The following MYOF variants were observed in gnomAD, a reference collection of about 807,000 sequenced individuals.
MYOF encodes myoferlin.
A neutral mutation model predicts 284.2 loss-of-function variants in MYOF; 244 were observed. The observed-to-expected ratio is 0.86, with a 90% confidence interval of 0.77 to 0.95. MYOF has a LOEUF of 0.95. Ranked by LOEUF, MYOF falls within the 40% of genes least tolerant of loss-of-function variation. The pLI, the probability that MYOF is intolerant of heterozygous loss-of-function variation, is 0.00. For missense variants in MYOF, 2,496 were observed against 2,560.6 expected, an observed-to-expected ratio of 0.97 and a Z score of 0.54; for synonymous variants, 904 against 919.7, an observed-to-expected ratio of 0.98 and a Z score of 0.31.
In MYOF at chr10:93,372,973, G is replaced by A. The variant is rs1235663636; in HGVS notation, c.2414C>T (p.Ala805Val). Residue 805 changes from alanine to valine, a missense_variant, in exon 24 of 54, where the codon GCA (alanine) becomes GTA (valine). Around this residue, in one of 3 missense-constraint regions of MYOF, gnomAD observed 2,436 missense variants for 2,480.7 expected, o/e 0.98. Transcript: ENST00000359263. ...QVLYSTSGENASGKYCGKTQT... is the reference protein window; with the variant it reads ...QVLYSTSGENVSGKYCGKTQT... ...GGTTTTCCCACAGTATTTTCCAGATGCATTCTCACCACTGGTGGAGTACAA... is the reference window on the plus strand; with the variant it reads ...GGTTTTCCCACAGTATTTTCCAGATACATTCTCACCACTGGTGGAGTACAA... The A allele has an allele frequency of 6.2e-7, 1 of 1,614,206 alleles. No individual in the cohort carries two copies. Among genetic ancestry groups the A allele is most frequent in the Non-Finnish European group, 8.5e-7 (1 of 1,180,034 alleles).
chr10:93,458,716 C>T (rs1282455547), intron 1 of MYOF, among the ~76,000 whole-genome samples: 7 of 152,134 alleles, frequency 4.6e-5, no homozygotes, highest in Non-Finnish European at 8.8e-5. Context: ...AAGGATAGAG[C>T]GAGACTCAGT....
intron 7 of MYOF, among the ~76,000 whole-genome samples, chr10:93,406,288 T>TTATTTATATATATATATATATATATA (rs1554855590): frequency 6.9e-5 from 4 of 58,146 alleles, no homozygotes; most frequent in South Asian, 1.0e-3. Flanking sequence ...TAAACCTCTT[T>TTATTTATATATATATATATATATATA]TATATATATA....
intron 3 of MYOF, among the ~76,000 whole-genome samples, chr10:93,447,882 G>C (rs1379688148): frequency 6.6e-6 from 1 of 152,172 alleles, no homozygotes; most frequent in Non-Finnish European, 1.5e-5. Flanking sequence ...TGGTCTCCCA[G>C]TATTGTTTTC....
intron 5 of MYOF, among the ~76,000 whole-genome samples, chr10:93,416,390 G>A (rs1360795173): frequency 6.6e-6 from 1 of 151,860 alleles, no homozygotes; most frequent in Non-Finnish European, 1.5e-5. Context: ...CAGGTGTGGT[G>A]GCAGGCGCCT....
chr10:93,310,020 C>A lies in MYOF; in HGVS notation c.6147G>T (p.Pro2049=). The change falls in exon 53 of 54, where the codon CCG becomes CCT. Residue 2049 remains proline (P), a splice_region_variant and synonymous_variant. Coordinates refer to ENST00000359263, the MANE Select transcript of MYOF (RefSeq NM_013451.4). ...LFVAVLLYSL[P]NYLSMKIVKP... ...CAAGGGGCCAAGGAAGGGCTCCTACCGGCAAAGAGTAGAGGAGCACGGCCA... is the reference window on the plus strand; with the variant it reads ...CAAGGGGCCAAGGAAGGGCTCCTACAGGCAAAGAGTAGAGGAGCACGGCCA... 1 of 1,613,978 alleles carries A rather than the reference C, an allele frequency of 6.2e-7. No homozygotes were observed.
intron 36 of MYOF, 64 bp from the exon 37 acceptor site, chr10:93,347,846 C>T: frequency 6.6e-7 from 1 of 1,510,042 alleles, no homozygotes; most frequent in Non-Finnish European, 9.0e-7. Flanking sequence ...GAGAAAAATT[C>T]CCCAGATGGA....
In MYOF at chr10:93,361,518, G is replaced by A; in HGVS notation, c.2908C>T (p.Pro970Ser). 6.2e-7 allele frequency: 1 copy of A among 1,614,140 alleles called. No individual in the cohort carries two copies. Among genetic ancestry groups the A allele is most frequent in the Non-Finnish European group, 8.5e-7 (1 of 1,180,028 alleles). Residue 970 changes from proline (P) to serine (S), a missense_variant, in exon 28 of 54, where the codon CCT becomes TCT. Coordinates refer to ENST00000359263, the MANE Select transcript of MYOF (RefSeq NM_013451.4). ...KAASPSELTC[P>S]PGWEWEDDAW... ...TCATCTTCCCATTCCCAACCTGGAG[G>A]ACAAGTCAACTCGCTGGGTGATGCT... is the stretch of plus-strand genomic sequence containing the variant.
chr10:93,462,819 C>G (rs1413630342), intron 1 of MYOF, among the ~76,000 whole-genome samples: 12 of 151,666 alleles, frequency 7.9e-5, no homozygotes, highest in Non-Finnish European at 1.5e-4. Flanking sequence ...TTTATTCTAC[C>G]TCTGTAAAAA....
At chr10:93,418,317 C>T (rs975634708) in intron 5 of MYOF, among the ~76,000 whole-genome samples, 1 of 152,160 alleles carries the variant, frequency 6.6e-6, no homozygotes, top group Non-Finnish European at 1.5e-5. Context: ...GGAGATAACA[C>T]ATTTTCTTAG....
At chr10:93,476,995 G>C (rs2057277462) in intron 1 of MYOF, among the ~76,000 whole-genome samples, 1 of 152,154 alleles carries the variant, frequency 6.6e-6, no homozygotes, top group African/African-American at 2.4e-5. Context: ...TGAGAAAAAT[G>C]CTATAGTAGC....
intron 1 of MYOF, among the ~76,000 whole-genome samples, chr10:93,481,286 A>G (rs2057378149): frequency 1.3e-5 from 2 of 152,102 alleles, no homozygotes; most frequent in Admixed American, 1.3e-4. Context: ...CTGTAGCCTC[A>G]AACTCCTGGG....
At chr10:93,394,662 G>A (rs1393993504) in intron 16 of MYOF, among the ~76,000 whole-genome samples, 2 of 148,356 alleles carry the variant, frequency 1.3e-5, no homozygotes, top group Non-Finnish European at 3.0e-5. Context: ...GGGTTTCACC[G>A]TGTTAGCCAG....
At position 93,474,895 on chromosome 10, in the gene MYOF, C is replaced by T. The variant is rs192721810; in HGVS notation, c.88+7212G>A. Among the ~76,000 whole-genome samples the T allele has an allele frequency of 1.3e-3, 201 of 152,194 alleles. 2 individuals carry two copies. The highest frequency in any genetic ancestry group is 4.7e-3 in the African/African-American group (196 of 41,526). ...CTGAGTAGCTGGGACTACAGGTGCCCACCACCATGCCTGGCTAAGTTTTTT... is the reference window on the plus strand; with the variant it reads ...CTGAGTAGCTGGGACTACAGGTGCCTACCACCATGCCTGGCTAAGTTTTTT... On this transcript the variant is annotated intron_variant, in intron 1 of 53. Transcript: ENST00000359263.
At chr10:93,373,283 G>A (rs1001423779) in intron 23 of MYOF, among the ~76,000 whole-genome samples, 198 bp from the exon 24 acceptor site, 8 of 152,160 alleles carry the variant, frequency 5.3e-5, no homozygotes, top group African/African-American at 1.9e-4. Context: ...GCAGACTGTG[G>A]CTGGCCAAAG....
At chr10:93,451,975 T>A (rs956992665) in intron 3 of MYOF, 75 bp downstream of exon 3, 3 of 1,023,292 alleles carry the variant, frequency 2.9e-6, no homozygotes, top group African/African-American at 3.2e-5. Context: ...TTATTAAAGA[T>A]GTGTCTCTTC....
At chr10:93,464,894 C>G (rs1017537740) in intron 1 of MYOF, among the ~76,000 whole-genome samples, 4 of 152,138 alleles carry the variant, frequency 2.6e-5, no homozygotes, top group African/African-American at 9.7e-5. Flanking sequence ...TACTTCTTCC[C>G]CTTTTCTAGG....
At chr10:93,434,580 C>T (rs987752980) in intron 3 of MYOF, among the ~76,000 whole-genome samples, 1 of 151,982 alleles carries the variant, frequency 6.6e-6, no homozygotes, top group Admixed American at 6.6e-5. Context: ...TGGGAATTTT[C>T]TCCTGTTTTG....
In MYOF at chr10:93,329,757, C is replaced by G. The variant is rs371413309; in HGVS notation, c.4889G>C (p.Arg1630Pro). 7 of 1,614,106 alleles carry G rather than the reference C, an allele frequency of 4.3e-6. No homozygotes were observed. The highest frequency in any genetic ancestry group is 1.1e-5 in the South Asian group (1 of 91,076). Residue 1630 changes from arginine (R) to proline (P), a missense_variant, in exon 44 of 54, where the codon CGG becomes CCG. Arg to Pro is a moderately radical substitution (Grantham distance 103, BLOSUM62 -2). Around this residue, in one of 3 missense-constraint regions of MYOF, gnomAD observed 2,436 missense variants for 2,480.7 expected, o/e 0.98. Coordinates refer to ENST00000359263, the MANE Select transcript of MYOF (RefSeq NM_013451.4). ...ISVYDYDTFT[R>P]DEKVGETIID... The stretch of plus-strand genomic sequence containing the variant: ...AATTGTTTCTCCTACTTTTTCATCC[C>G]GGGTAAAGGTGTCATAATCATAGAC...
intron 25 of MYOF, among the ~76,000 whole-genome samples, chr10:93,367,824 G>T (rs1845395490): frequency 6.6e-6 from 1 of 151,852 alleles, no homozygotes; most frequent in Non-Finnish European, 1.5e-5. Flanking sequence ...GGGGGTGGGG[G>T]GGAATTTTGT....
Sources: gnomAD v4.1 joint callset for allele counts (sites outside exome capture counted in the v4.1 genomes callset) on GRCh38, gnomAD v4.1.1 for gene constraint, gnomAD v4.1.1 regional missense constraint, MANE v1.5 for transcripts, NCBI Gene and HGNC (gene_info 2026-07-23, HGNC 2026-07-21) for gene names.